Variants in PACC1 observed in about 807,000 individuals in gnomAD.
The protein encoded by PACC1 is proton-activated chloride channel.
Under a neutral mutation model 39.7 loss-of-function variants are expected in PACC1, and 34 were observed. That is an observed-to-expected ratio of 0.86 (90% CI 0.65 to 1.14). The LOEUF (loss-of-function observed/expected upper bound fraction) is 1.14, where lower values mean the gene tolerates loss of function less well. Among genes scored for constraint, PACC1 ranks in the 50% most tolerant of loss-of-function variants. PACC1 has a pLI of 0.00. For synonymous variants in PACC1, 127 were observed against 160.6 expected (o/e 0.79, Z 1.58); for missense variants, 379 against 436.4 (o/e 0.87, Z 1.17).
chr1:212,394,338 CAT>C (rs1312603851), intron 2 of PACC1, among the ~76,000 whole-genome samples: 1 of 152,238 alleles, frequency 6.6e-6, no homozygotes, highest in Non-Finnish European at 1.5e-5. Flanking sequence ...ACAAAAACCA[CAT>C]GATTATCTCA....
intron 2 of PACC1, among the ~76,000 whole-genome samples, chr1:212,388,554 T>C (rs1263580667): frequency 2.0e-5 from 3 of 152,026 alleles, no homozygotes; most frequent in African/African-American, 2.4e-5. Context: ...CCTGATCCAA[T>C]AGGACCAGAA....
chr1:212,378,193 C>CT (rs1300064392), intron 5 of PACC1, among the ~76,000 whole-genome samples: 1 of 152,204 alleles, frequency 6.6e-6, no homozygotes, highest in African/African-American at 2.4e-5. Flanking sequence ...GATGGGTCAC[C>CT]TACAGCATCA....
chr1:212,380,349 C>T (rs2102486464), intron 4 of PACC1, among the ~76,000 whole-genome samples: 1 of 152,312 alleles, frequency 6.6e-6, no homozygotes, highest in East Asian at 1.9e-4. Flanking sequence ...TCTTTTCTTC[C>T]AGTCTGTCAT....
Position 212,414,095 on chromosome 1 carries a change from A to G in PACC1, c.36+627T>C, listed in dbSNP as rs780074106. 65 of 1,520,324 alleles carry G rather than the reference A, an allele frequency of 4.3e-5. 1 individual carries two copies. The South Asian group carries it at 7.5e-4, about 18-fold the overall frequency. 94.2% of individuals were successfully genotyped at this position (1,520,324 alleles called of 1,614,324 possible). A position where few individuals can be genotyped will look rare whatever the true frequency, so the allele number is the denominator to read the frequency against. On this transcript the variant is annotated intron_variant, in intron 1 of 7. Transcript: ENST00000261455. Reference sequence around the variant, plus strand: ...GGACGCACAGCCTGCAGCGCAGGACAGAGAAGAGACAAAGAACTGGAAAGT... The same window carrying G: ...GGACGCACAGCCTGCAGCGCAGGACGGAGAAGAGACAAAGAACTGGAAAGT...
intron 7 of PACC1, among the ~76,000 whole-genome samples, chr1:212,370,319 A>G (rs1660400314): frequency 6.6e-6 from 1 of 152,190 alleles, no homozygotes. Context: ...TACAAAAAAA[A>G]TTAGCCGGGC....
intron 7 of PACC1, among the ~76,000 whole-genome samples, chr1:212,373,681 T>C (rs1660541484): frequency 6.6e-6 from 1 of 152,100 alleles, no homozygotes; most frequent in Non-Finnish European, 1.5e-5. Flanking sequence ...AATTTTAAAA[T>C]GGGCAAGAGA....
rs1182979163 is a variant in PACC1, at chr1:212,365,250, T to G, written c.1018A>C (p.Lys340Gln). ...WMIKIRKRYL[K>Q]RRGQATSHIS ...TGGCTCGTTGCCTGACCTCTTCTTT[T>G]AAGGTATCTCTTTCTAATTTTGATC... is the stretch of plus-strand genomic sequence containing the variant. The change falls in exon 8 of 8, where the codon AAA becomes CAA. Residue 340 changes from lysine to glutamine, a missense_variant. Physicochemically the swap from Lys to Gln is moderately conservative, Grantham distance 53 (BLOSUM62 1). Transcript: ENST00000261455. 1.2e-6 allele frequency: 2 copies of G among 1,614,004 alleles called. No individual in the cohort carries two copies. Among genetic ancestry groups the G allele is most frequent in the Non-Finnish European group, 1.7e-6 (2 of 1,179,996 alleles).
chr1:212,409,267 C>T (rs1662036357), intron 2 of PACC1, among the ~76,000 whole-genome samples: 1 of 152,004 alleles, frequency 6.6e-6, no homozygotes, highest in Admixed American at 6.6e-5. Flanking sequence ...CAGCAATAGC[C>T]GGAAAGGAGA....
intron 7 of PACC1, among the ~76,000 whole-genome samples, chr1:212,374,328 C>A (rs550120971): frequency 2.0e-5 from 3 of 152,064 alleles, no homozygotes; most frequent in South Asian, 2.1e-4. Flanking sequence ...AAAACAAATA[C>A]CACACGTTCT....
intron 2 of PACC1, among the ~76,000 whole-genome samples, chr1:212,405,538 T>C (rs111587679): frequency 0.011 from 1,676 of 152,290 alleles, 36 homozygotes; most frequent in African/African-American, 0.038. Context: ...TGTCTCTATA[T>C]GCCTGAGTTC....
intron 4 of PACC1, among the ~76,000 whole-genome samples, chr1:212,384,484 T>C (rs1661023124): frequency 6.6e-6 from 1 of 152,250 alleles, no homozygotes; most frequent in Non-Finnish European, 1.5e-5. Context: ...CCCCACCAAC[T>C]GCAATTGTGC....
rs1662216070 is a variant in PACC1, at chr1:212,413,637, A to AGGT, written c.36+1082_36+1084dup. 2.6e-5 allele frequency among the ~76,000 whole-genome samples: 4 copies of AGGT among 152,290 alleles called. No individual in the cohort carries two copies. The South Asian group carries it at 8.3e-4, about 32-fold the overall frequency. On this transcript the variant is annotated intron_variant, in intron 1 of 7. Transcript: ENST00000261455. ...CTGAGTTTCCACTGTGCCAGACCCT[A>AGGT]GGTGGGTTAGGAGGTGGCAAAGGTA... is the stretch of plus-strand genomic sequence containing the variant.
chr1:212,392,944 TAGTGACCTAC>T (rs1661379167), intron 2 of PACC1, among the ~76,000 whole-genome samples: 1 of 149,356 alleles, frequency 6.7e-6, no homozygotes, highest in Admixed American at 6.7e-5. Flanking sequence ...AGCAAGTCCT[TAGTGACCTAC>T]AAAGAGACTT....
chr1:212,413,549 T>C (rs146130108), intron 1 of PACC1, among the ~76,000 whole-genome samples: 189 of 152,292 alleles, frequency 1.2e-3, no homozygotes, highest in Non-Finnish European at 1.8e-3. Flanking sequence ...CAATGGAGCT[T>C]GGCGGAGCGT....
At chr1:212,397,677 A>T (rs1661573652) in intron 2 of PACC1, among the ~76,000 whole-genome samples, 1 of 152,240 alleles carries the variant, frequency 6.6e-6, no homozygotes, top group South Asian at 2.1e-4. Context: ...TACAGAATTC[A>T]GAAACATATA....
chr1:212,410,633 CAT>C (rs1239037535), intron 1 of PACC1, 112 bp from the exon 2 acceptor site: 5 of 955,914 alleles, frequency 5.2e-6, no homozygotes, highest in Non-Finnish European at 6.8e-6. Flanking sequence ...CCAAAAACCA[CAT>C]GACATAGAGT....
At chr1:212,377,210 C>T (rs1660695846) in intron 6 of PACC1, among the ~76,000 whole-genome samples, 1 of 152,174 alleles carries the variant, frequency 6.6e-6, no homozygotes, top group South Asian at 2.1e-4. Context: ...AGTCTCTCTT[C>T]CCTGCAAATA....
At chr1:212,376,887 G>C (rs1451893922) in intron 6 of PACC1, 1 of 152,150 alleles carries the variant, frequency 6.6e-6, no homozygotes, top group African/African-American at 2.4e-5. Context: ...CCGAGCCACT[G>C]GGATACAAGA....
At chr1:212,404,000 A>C (rs1341859910) in intron 2 of PACC1, among the ~76,000 whole-genome samples, 1 of 152,094 alleles carries the variant, frequency 6.6e-6, no homozygotes, top group Non-Finnish European at 1.5e-5. Flanking sequence ...ACCCTCTCAC[A>C]TCAGCCTTTG....
Sources: allele counts gnomAD v4.1 joint callset (sites outside exome capture counted in the v4.1 genomes callset), GRCh38; gene constraint gnomAD v4.1.1; transcripts MANE v1.5; gene names NCBI Gene and HGNC (gene_info 2026-07-23, HGNC 2026-07-21).